RBFOX1: variants seen among roughly 807,000 people sequenced by gnomAD.
The protein encoded by RBFOX1 is RNA binding fox-1 homolog 1, also known as RNA binding protein fox-1 homolog 1.
RBFOX1 carries 8 observed loss-of-function variants against 57.7 expected under a neutral mutation model. The observed-to-expected ratio is 0.14, with a 90% CI of 0.08 to 0.25. The LOEUF is 0.25. Ranked by LOEUF, RBFOX1 falls within the 10% of genes least tolerant of loss-of-function variation. RBFOX1 has a pLI of 1.00. For synonymous variants in RBFOX1, 326 were observed against 222.4 expected (o/e 1.47, Z -4.15); for missense variants, 611 against 548.5 (o/e 1.11, Z -1.14).
intron 1 of RBFOX1, among the ~76,000 whole-genome samples, chr16:5,296,845 A>T (rs780755565): frequency 6.6e-6 from 1 of 151,714 alleles, no homozygotes; most frequent in South Asian, 2.1e-4. Context: ...CGCCCAGCTA[A>T]TTTTTGTATT....
chr16:6,910,208 TC>T (rs1357683425), intron 3 of RBFOX1, among the ~76,000 whole-genome samples: 5 of 151,942 alleles, frequency 3.3e-5, no homozygotes, highest in African/African-American at 4.8e-5. Flanking sequence ...AAAAGAGAAA[TC>T]CTAAGAGGAG....
intron 1 of RBFOX1, among the ~76,000 whole-genome samples, chr16:6,202,926 C>G (rs936520252): frequency 1.3e-5 from 2 of 152,066 alleles, no homozygotes; most frequent in African/African-American, 4.8e-5. Context: ...GTGCATGCCA[C>G]CATGCCTGGA....
chr16:6,649,318 C>T (rs2098557761), intron 2 of RBFOX1, among the ~76,000 whole-genome samples: 2 of 152,032 alleles, frequency 1.3e-5, no homozygotes, highest in Admixed American at 1.3e-4. Flanking sequence ...GTATATATAC[C>T]ACATTTGCTT....
chr16:7,038,400 T>C (rs974726252), intron 3 of RBFOX1, among the ~76,000 whole-genome samples: 3 of 152,174 alleles, frequency 2.0e-5, no homozygotes, highest in African/African-American at 7.2e-5. Context: ...TTGTAATAAC[T>C]GCAATTGTTT....
intron 2 of RBFOX1, among the ~76,000 whole-genome samples, chr16:5,476,839 G>C (rs578025815): frequency 2.0e-5 from 3 of 152,072 alleles, no homozygotes; most frequent in African/African-American, 7.2e-5. Context: ...AGAGTCTTGC[G>C]TCTTCCAGGC....
intron 2 of RBFOX1, among the ~76,000 whole-genome samples, chr16:5,559,828 T>G (rs1212022852): frequency 6.6e-6 from 1 of 152,188 alleles, no homozygotes; most frequent in Non-Finnish European, 1.5e-5. Context: ...GTGCACGGAC[T>G]AGCCCCTGCC....
intron 3 of RBFOX1, among the ~76,000 whole-genome samples, chr16:6,737,699 G>A (rs1000764533): frequency 2.6e-5 from 4 of 152,190 alleles, no homozygotes; most frequent in African/African-American, 9.6e-5. Flanking sequence ...AAATGTCCCA[G>A]AGCCTTAGGT....
chr16:7,495,210 G>A (rs1420960088), intron 4 of RBFOX1, among the ~76,000 whole-genome samples: 1 of 151,994 alleles, frequency 6.6e-6, no homozygotes, highest in African/African-American at 2.4e-5. Flanking sequence ...TCTTTATCCA[G>A]TCCACCGCTG....
intron 4 of RBFOX1, among the ~76,000 whole-genome samples, chr16:6,002,257 A>G (rs1400497718): frequency 6.6e-6 from 1 of 152,174 alleles, no homozygotes; most frequent in African/African-American, 2.4e-5. Context: ...TTTTATAGGC[A>G]TGAGCGACCG....
chr16:6,927,765 A>G (rs374924068), intron 3 of RBFOX1, among the ~76,000 whole-genome samples: 12 of 152,192 alleles, frequency 7.9e-5, no homozygotes, highest in Middle Eastern at 3.4e-3. Flanking sequence ...AAAATCTCCA[A>G]TCATTGTTTT....
In RBFOX1 at chr16:7,037,049, C is replaced by A. The variant is rs568029456; in HGVS notation, c.-15-15008C>A. 5.3e-5 allele frequency among the ~76,000 whole-genome samples: 8 copies of A among 152,148 alleles called. No homozygotes were observed. The South Asian group carries it at 8.3e-4, about 16-fold the overall frequency. On this transcript the variant is annotated intron_variant, in intron 3 of 15. Coordinates refer to ENST00000550418, the MANE Select transcript of RBFOX1 (RefSeq NM_018723.4). ...GTGGGAGTGTGGCAGTGAGGACAAC[C>A]AGAGGTCACCTTCGTCACCATCTTG... is the stretch of plus-strand genomic sequence containing the variant.
At chr16:7,454,592 G>A (rs989147842) in intron 4 of RBFOX1, among the ~76,000 whole-genome samples, 4 of 152,222 alleles carry the variant, frequency 2.6e-5, no homozygotes, top group African/African-American at 9.6e-5. Context: ...GGTGCATGAA[G>A]GAAAACTACA....
chr16:5,885,111 G>C (rs2057865831), intron 4 of RBFOX1, among the ~76,000 whole-genome samples: 1 of 152,124 alleles, frequency 6.6e-6, no homozygotes, highest in Non-Finnish European at 1.5e-5. Context: ...GAAGCTCCCA[G>C]ACCTCTTAAC....
intron 4 of RBFOX1, among the ~76,000 whole-genome samples, chr16:7,513,800 C>A: frequency 6.6e-6 from 1 of 152,196 alleles, no homozygotes; most frequent in Non-Finnish European, 1.5e-5. Flanking sequence ...CATGAACCTT[C>A]TGCTCATAAG....
chr16:6,219,007 C>G (rs2097354477), intron 1 of RBFOX1, among the ~76,000 whole-genome samples: 1 of 152,124 alleles, frequency 6.6e-6, no homozygotes, highest in African/African-American at 2.4e-5. Context: ...ATATTAGAGG[C>G]TGTTAGGTGA....
At chr16:7,617,132 A>G (rs2058575287) in intron 10 of RBFOX1, among the ~76,000 whole-genome samples, 1 of 152,234 alleles carries the variant, frequency 6.6e-6, no homozygotes, top group Non-Finnish European at 1.5e-5. Flanking sequence ...TATGAAAGAG[A>G]AAAGAATGTA....
chr16:7,289,164 C>T (rs1283375322), intron 4 of RBFOX1, among the ~76,000 whole-genome samples: 5 of 152,138 alleles, frequency 3.3e-5, no homozygotes, highest in Admixed American at 6.5e-5. Flanking sequence ...GAAGAAAAAG[C>T]AGTCAGGGTG....
At chr16:7,437,795 A>G (rs1477017625) in intron 4 of RBFOX1, among the ~76,000 whole-genome samples, 1 of 152,166 alleles carries the variant, frequency 6.6e-6, no homozygotes, top group Admixed American at 6.5e-5. Context: ...AGGCAAACGA[A>G]TACAGATTTA....
chr16:7,192,542 C>T (rs570872051), intron 4 of RBFOX1, among the ~76,000 whole-genome samples: 1 of 152,054 alleles, frequency 6.6e-6, no homozygotes, highest in African/African-American at 2.4e-5. Flanking sequence ...GTGAGAAGAC[C>T]AAAGACAAAT....
Sources: allele counts gnomAD v4.1 joint callset (sites outside exome capture counted in the v4.1 genomes callset), GRCh38; gene constraint gnomAD v4.1.1; transcripts MANE v1.5; gene names NCBI Gene and HGNC (gene_info 2026-07-23, HGNC 2026-07-21).